LTBP1: variants seen among roughly 807,000 people sequenced by gnomAD.
The protein encoded by LTBP1 is latent transforming growth factor beta binding protein 1.
A neutral mutation model predicts 207.6 loss-of-function variants in LTBP1; 129 were observed. That is an observed-to-expected ratio of 0.62 (90% CI 0.54 to 0.72). LTBP1 has a LOEUF of 0.72. LTBP1 is among the 30% of genes least tolerant of loss of function. The pLI is 0.00. For missense variants in LTBP1, 2,281 were observed against 2,217.2 expected, an observed-to-expected ratio of 1.03 and a Z score of -0.58; for synonymous variants, 963 against 833.7, an observed-to-expected ratio of 1.16 and a Z score of -2.67.
intron 31 of LTBP1, among the ~76,000 whole-genome samples, chr2:33,383,427 T>C (rs1431162806): frequency 1.3e-5 from 2 of 152,218 alleles, no homozygotes; most frequent in East Asian, 3.8e-4. Context: ...ATTCTCTTTA[T>C]CTCCTCCCTC....
chr2:33,263,148 C>T (rs570421590), intron 14 of LTBP1, 146 bp from the exon 15 acceptor site: 1 of 604,254 alleles, frequency 1.7e-6, no homozygotes, highest in African/African-American at 1.8e-5. Flanking sequence ...ATGTTGAACC[C>T]AGAGCCTTGG....
At chr2:33,103,586 C>CGCGT (rs2079877307) in intron 3 of LTBP1, among the ~76,000 whole-genome samples, 2 of 118,144 alleles carry the variant, frequency 1.7e-5, no homozygotes, top group African/African-American at 3.0e-5. Context: ...TCTCCGTTTA[C>CGCGT]GTGTGTGTGT....
intron 26 of LTBP1, among the ~76,000 whole-genome samples, chr2:33,352,479 T>C (rs1053709824): frequency 6.6e-6 from 1 of 152,100 alleles, no homozygotes; most frequent in Non-Finnish European, 1.5e-5. Context: ...TCTGAAGTCA[T>C]ACTTTTTTTT....
chr2:33,176,874 T>C (rs1056784462), intron 5 of LTBP1, among the ~76,000 whole-genome samples: 3 of 152,206 alleles, frequency 2.0e-5, no homozygotes, highest in African/African-American at 7.2e-5. Flanking sequence ...TTCTTCTCAT[T>C]GCGCCCTGCC....
At chr2:33,175,362 T>C (rs1313833343) in intron 5 of LTBP1, among the ~76,000 whole-genome samples, 2 of 151,960 alleles carry the variant, frequency 1.3e-5, no homozygotes, top group South Asian at 2.1e-4. Context: ...CAGACACTTC[T>C]CAAAAGAAGC....
chr2:33,283,969 T>G (rs1050139217), intron 19 of LTBP1, among the ~76,000 whole-genome samples: 2 of 152,128 alleles, frequency 1.3e-5, no homozygotes, highest in African/African-American at 4.8e-5. Flanking sequence ...ATGCTTATAG[T>G]TTTTTTTCTA....
At chr2:33,130,014 G>T (rs2081674199) in intron 4 of LTBP1, among the ~76,000 whole-genome samples, 1 of 152,218 alleles carries the variant, frequency 6.6e-6, no homozygotes, top group African/African-American at 2.4e-5. Flanking sequence ...GAGGAACACA[G>T]AGCAGTCTAT....
intron 3 of LTBP1, among the ~76,000 whole-genome samples, chr2:33,057,202 C>T (rs928084541): frequency 9.9e-5 from 15 of 151,542 alleles, no homozygotes; most frequent in Non-Finnish European, 1.8e-4. Context: ...TACAGAGTGC[C>T]GATTGGTGCA....
intron 15 of LTBP1, among the ~76,000 whole-genome samples, chr2:33,273,317 ATAGAAACTC>A (rs2093360038): frequency 6.6e-6 from 1 of 152,208 alleles, no homozygotes; most frequent in South Asian, 2.1e-4. Flanking sequence ...ACTACAATGA[ATAGAAACTC>A]ATTAATAGGC....
chr2:33,100,867 TGTTAGA>T (rs1173013734), intron 3 of LTBP1, among the ~76,000 whole-genome samples: 3 of 152,236 alleles, frequency 2.0e-5, no homozygotes, highest in African/African-American at 7.2e-5. Flanking sequence ...TTGTAGCCTG[TGTTAGA>T]GTTTCATTTC....
intron 5 of LTBP1, among the ~76,000 whole-genome samples, chr2:33,139,684 G>T (rs951163015): frequency 2.0e-5 from 3 of 152,168 alleles, no homozygotes; most frequent in Admixed American, 2.0e-4. Flanking sequence ...TGAAACATTG[G>T]TAAGTTCCAA....
rs1343156713 is a variant in LTBP1 at position 33,188,589 on chromosome 2, C to T, written c.1439C>T (p.Pro480Leu). 1.2e-6 allele frequency: 2 copies of T among 1,611,678 alleles called. No homozygotes were observed. Among genetic ancestry groups the T allele is most frequent in the African/African-American group, 1.3e-5 (1 of 74,824 alleles). Residue 480 changes from proline to leucine, a missense_variant, in exon 7 of 34, where the codon CCT becomes CTT. Coordinates refer to ENST00000404816, the MANE Select transcript of LTBP1 (RefSeq NM_206943.4). ...CAATCTGTTGTAGTGAAATTTCCTCCTAACATAGTCAATATCCATGTGAAA... is the reference window on the plus strand; with the variant it reads ...CAATCTGTTGTAGTGAAATTTCCTCTTAACATAGTCAATATCCATGTGAAA... ...SQQGVKVKFP[P>L]NIVNIHVKHP...
chr2:33,259,723 A>T, intron 13 of LTBP1, 113 bp downstream of exon 13: 1 of 988,162 alleles, frequency 1.0e-6, no homozygotes, highest in Non-Finnish European at 1.5e-6. Context: ...ATTATGCATC[A>T]TTTGGTTTGA....
At chr2:33,025,198 A>G (rs2075360153) in intron 3 of LTBP1, among the ~76,000 whole-genome samples, 1 of 152,216 alleles carries the variant, frequency 6.6e-6, no homozygotes, top group Non-Finnish European at 1.5e-5. Context: ...ACTGATTAGT[A>G]GTGAGTTGCT....
At chr2:33,285,356 T>TAA (rs2093644265) in intron 19 of LTBP1, among the ~76,000 whole-genome samples, 2 of 152,010 alleles carry the variant, frequency 1.3e-5, no homozygotes, top group African/African-American at 4.8e-5. Flanking sequence ...TTCTTCTATA[T>TAA]AACTATATTC....
intron 13 of LTBP1, 95 bp downstream of exon 13, chr2:33,259,705 A>T: frequency 1.7e-6 from 2 of 1,173,214 alleles, no homozygotes; most frequent in Non-Finnish European, 1.2e-6. Flanking sequence ...AAATATAGTA[A>T]CATCTCTATT....
chr2:33,191,876 A>G (rs950248861), intron 7 of LTBP1, among the ~76,000 whole-genome samples: 2 of 152,230 alleles, frequency 1.3e-5, no homozygotes, highest in African/African-American at 2.4e-5. Flanking sequence ...TATACAAAAT[A>G]AATTTGGCAG....
Position 32,966,311 on chromosome 2 carries a change from C to G in LTBP1, c.565+17366C>G, listed in dbSNP as rs112915408. Among the ~76,000 whole-genome samples, 168 of 152,158 alleles carry G rather than the reference C, an allele frequency of 1.1e-3. 3 individuals carry two copies. Among genetic ancestry groups the G allele is most frequent in the African/African-American group, 3.9e-3 (160 of 41,546 alleles). ...ATTCTTCTCAGTGTCTTTTTCAGGACAGAAGTTTTTTTATTTTAATGAAGT... is the reference window on the plus strand; with the variant it reads ...ATTCTTCTCAGTGTCTTTTTCAGGAGAGAAGTTTTTTTATTTTAATGAAGT... On this transcript the variant is annotated intron_variant, in intron 2 of 33. Transcript: ENST00000404816.
At chr2:33,309,612 A>G (rs2094151136) in intron 23 of LTBP1, 56 bp downstream of exon 23, 2 of 1,563,366 alleles carry the variant, frequency 1.3e-6, no homozygotes, top group South Asian at 1.2e-5. Context: ...CAATTCTGCC[A>G]TGTTGCCAGA....
Sources: gnomAD v4.1 joint callset for allele counts (sites outside exome capture counted in the v4.1 genomes callset) on GRCh38, gnomAD v4.1.1 for gene constraint, MANE v1.5 for transcripts, NCBI Gene and HGNC (gene_info 2026-07-23, HGNC 2026-07-21) for gene names.